The following SVIL variants were observed in gnomAD, a reference collection of about 807,000 sequenced individuals.
SVIL encodes supervillin, also known as archvillin.
In SVIL, 101 loss-of-function variants were observed where a neutral mutation model predicts 240.4. The observed-to-expected ratio is 0.42, with a 90% CI of 0.36 to 0.50. The LOEUF (loss-of-function observed/expected upper bound fraction) is 0.50. Among genes scored for constraint, SVIL ranks in the 20% least tolerant of loss-of-function variants. The pLI is 0.01. For synonymous variants in SVIL, 999 were observed against 1,100.0 expected, an observed-to-expected ratio of 0.91 and a Z score of 1.82; for missense variants, 2,512 against 2,818.7, an observed-to-expected ratio of 0.89 and a Z score of 2.46.
intron 17 of SVIL, among the ~76,000 whole-genome samples, chr10:29,502,937 A>G (rs1230549337): frequency 6.6e-6 from 1 of 152,222 alleles, no homozygotes; most frequent in Non-Finnish European, 1.5e-5. Context: ...CATAGAACTA[A>G]GATGTATTAT....
chr10:29,614,940 C>A (rs889622641), intron 1 of SVIL, among the ~76,000 whole-genome samples: 23 of 152,092 alleles, frequency 1.5e-4, no homozygotes, highest in African/African-American at 5.1e-4. Flanking sequence ...CAGGCATAAA[C>A]CTATCTGATC....
chr10:29,484,655 C>G lies in SVIL; in HGVS notation c.4955+1G>C. The G allele has an allele frequency of 6.2e-7, 1 of 1,610,654 alleles. No homozygotes were observed. The highest frequency in any genetic ancestry group is 8.5e-7 in the Non-Finnish European group (1 of 1,178,200). On this transcript the variant is annotated splice_donor_variant, in intron 27 of 37. Transcript: ENST00000355867. LOFTEE classifies it high-confidence loss of function. The surrounding 1 kb of genome is among the most constrained non-coding windows in gnomAD (Gnocchi z 4.7). ...CTGTCCCCGGGCGGCGGCAGGAGTA[C>G]CTGGGGATAAGCGGATTGCATTCTC...
chr10:29,616,148 G>A (rs894092398), intron 1 of SVIL, among the ~76,000 whole-genome samples: 2 of 151,980 alleles, frequency 1.3e-5, no homozygotes, highest in South Asian at 2.1e-4. Context: ...AGCGATTCTC[G>A]TGCCTCAGCA....
intron 1 of SVIL, among the ~76,000 whole-genome samples, chr10:29,618,795 C>T (rs763951312): frequency 5.9e-5 from 9 of 151,830 alleles, no homozygotes; most frequent in Non-Finnish European, 1.2e-4. Flanking sequence ...TCAGAGCTCA[C>T]TGTAGCCTCA....
At chr10:29,728,413 C>CAAAG (rs1964414004) in intron 1 of SVIL, among the ~76,000 whole-genome samples, 1 of 152,076 alleles carries the variant, frequency 6.6e-6, no homozygotes, top group South Asian at 2.1e-4. Flanking sequence ...GTTGCAGTTC[C>CAAAG]AAAGAACCCT....
At chr10:29,615,955 C>T (rs191452277) in intron 1 of SVIL, among the ~76,000 whole-genome samples, 1 of 152,316 alleles carries the variant, frequency 6.6e-6, no homozygotes, top group East Asian at 1.9e-4. Context: ...GCTTTTCCTA[C>T]ACAATTTGCA....
chr10:29,550,518 G>C, intron 6 of SVIL, 79 bp downstream of exon 6: 1 of 1,422,262 alleles, frequency 7.0e-7, no homozygotes. Context: ...GCTTAGAATA[G>C]CCAAACCCTA....
At chr10:29,690,791 G>A (rs529384994) in intron 1 of SVIL, among the ~76,000 whole-genome samples, 2 of 152,212 alleles carry the variant, frequency 1.3e-5, no homozygotes, top group East Asian at 3.9e-4. Flanking sequence ...CCTGCATATG[G>A]TTGTTAATCA....
intron 29 of SVIL, among the ~76,000 whole-genome samples, chr10:29,476,336 T>C (rs946416431): frequency 6.6e-6 from 1 of 152,270 alleles, no homozygotes; most frequent in African/African-American, 2.4e-5. Context: ...TATTCACACT[T>C]AAATAACCAA....
intron 2 of SVIL, among the ~76,000 whole-genome samples, chr10:29,673,680 C>T (rs1455003081): frequency 3.3e-5 from 5 of 152,036 alleles, no homozygotes; most frequent in Admixed American, 2.0e-4. Context: ...CTCACTATCA[C>T]GAGAACAGCA....
In SVIL at chr10:29,602,214, G is replaced by T. The variant is rs189811483; in HGVS notation, c.-201+32206C>A. The T allele has an allele frequency of 3.5e-3, 1,853 of 525,150 alleles. 35 individuals carry two copies. Among genetic ancestry groups the T allele is most frequent in the South Asian group, 0.02 (1,385 of 69,198 alleles). 32.5% of individuals were successfully genotyped at this position (525,150 alleles called of 1,614,324 possible). On this transcript the variant is annotated intron_variant, in intron 1 of 37. Transcript: ENST00000355867. ...CTGATCATTTTGCAATGACTTAGGA[G>T]AAACTTAATGATGTTTCATGAAGTG...
At position 29,550,804 on chromosome 10, in the gene SVIL, C is replaced by G. The variant is rs767608322; in HGVS notation, c.620G>C (p.Arg207Pro). The G allele has an allele frequency of 6.2e-7, 1 of 1,614,058 alleles. No individual in the cohort carries two copies. Among genetic ancestry groups the G allele is most frequent in the Admixed American group, 1.7e-5 (1 of 60,004 alleles). Reference sequence around the variant, plus strand: ...CCGGGTGGCACTCAGCTCTTGACCTCGTCTTTGGTTTTCTATGTTCAGCAG... The same window carrying G: ...CCGGGTGGCACTCAGCTCTTGACCTGGTCTTTGGTTTTCTATGTTCAGCAG... The part of the protein sequence containing the change: ...EVLLNIENQR[R>P]GQELSATRQA... The change falls in exon 6 of 38, where the codon CGA becomes CCA. Residue 207 changes from arginine (R) to proline (P), a missense_variant. Physicochemically the swap from Arg to Pro is moderately radical, Grantham distance 103. Transcript: ENST00000355867.
chr10:29,541,365 T>C (rs1028395952), intron 6 of SVIL, among the ~76,000 whole-genome samples: 2 of 152,246 alleles, frequency 1.3e-5, no homozygotes, highest in African/African-American at 4.8e-5. Context: ...TTTCCTATCC[T>C]GACTGGGATG....
intron 1 of SVIL, among the ~76,000 whole-genome samples, chr10:29,600,439 C>G (rs1300827394): frequency 6.6e-6 from 1 of 152,098 alleles, no homozygotes; most frequent in African/African-American, 2.4e-5. Flanking sequence ...TGGGTGGGAC[C>G]CAGGCATGGG....
intron 2 of SVIL, among the ~76,000 whole-genome samples, chr10:29,671,489 G>A (rs1473293887): frequency 1.3e-5 from 2 of 152,182 alleles, no homozygotes; most frequent in Non-Finnish European, 2.9e-5. Flanking sequence ...TTTTCCCACA[G>A]TATCAACTAT....
chr10:29,604,522 C>G (rs1027242989), intron 1 of SVIL, among the ~76,000 whole-genome samples: 2 of 151,518 alleles, frequency 1.3e-5, no homozygotes, highest in Non-Finnish European at 2.9e-5. Context: ...TGCGCCTGGC[C>G]ATATTGTTGA....
intron 6 of SVIL, among the ~76,000 whole-genome samples, chr10:29,549,773 C>A (rs1953066450): frequency 7.1e-6 from 1 of 140,008 alleles, no homozygotes. Flanking sequence ...ATCGCAAAAA[C>A]AAAAAACCAA....
chr10:29,553,017 C>A (rs539199455), intron 5 of SVIL, among the ~76,000 whole-genome samples: 7 of 151,544 alleles, frequency 4.6e-5, no homozygotes, highest in African/African-American at 1.7e-4. Context: ...GGAGTCTGGC[C>A]GTGTTGTCCA....
chr10:29,549,785 C>A, intron 6 of SVIL, among the ~76,000 whole-genome samples: 1 of 140,102 alleles, frequency 7.1e-6, no homozygotes, highest in Non-Finnish European at 1.5e-5. Flanking sequence ...AAAAACCAAA[C>A]ACCGCATATT....
Sources: allele counts gnomAD v4.1 joint callset (sites outside exome capture counted in the v4.1 genomes callset), GRCh38; gene constraint gnomAD v4.1.1; non-coding constraint Gnocchi (gnomAD v3.1); transcripts MANE v1.5; gene names NCBI Gene and HGNC (gene_info 2026-07-23, HGNC 2026-07-21).